The following DIP2C variants were observed in gnomAD, a reference collection of about 807,000 sequenced individuals.
DIP2C encodes DIP2 acetate--CoA ligase C (putative), also known as disco-interacting protein 2 homolog C.
Under a neutral mutation model 192.4 loss-of-function variants are expected in DIP2C, and 33 were observed. That is an observed-to-expected ratio of 0.17 (90% CI 0.13 to 0.23). The LOEUF (loss-of-function observed/expected upper bound fraction) is 0.23, where lower values mean the gene tolerates loss of function less well. DIP2C is among the 10% of genes least tolerant of loss of function. The probability of loss-of-function intolerance (pLI) is 1.00; values close to 1 mark genes in which losing one functional copy is unlikely to be tolerated. For missense variants in DIP2C, 1,537 were observed against 2,110.1 expected, an observed-to-expected ratio of 0.73 and a Z score of 5.32; for synonymous variants, 979 against 864.1, an observed-to-expected ratio of 1.13 and a Z score of -2.33.
intron 3 of DIP2C, among the ~76,000 whole-genome samples, chr10:462,240 G>A (rs1441223180): frequency 1.3e-5 from 2 of 152,138 alleles, no homozygotes; most frequent in Non-Finnish European, 2.9e-5. Context: ...ATGAATCCAG[G>A]AGCTGGTTTT....
chr10:534,070 C>T (rs182553064), intron 1 of DIP2C, among the ~76,000 whole-genome samples: 34 of 152,274 alleles, frequency 2.2e-4, no homozygotes, highest in Admixed American at 1.9e-3. Flanking sequence ...TCTGCAGTGA[C>T]GATGGTCAAC....
At chr10:609,784 G>T (rs537774598) in intron 1 of DIP2C, among the ~76,000 whole-genome samples, 1 of 152,126 alleles carries the variant, frequency 6.6e-6, no homozygotes, top group African/African-American at 2.4e-5. Context: ...GAACCTAACT[G>T]CATCTTTGGA....
rs962987026 is a variant in DIP2C, at chr10:677,187, A to T, written c.85+12307T>A. 1.5e-4 allele frequency among the ~76,000 whole-genome samples: 23 copies of T among 152,344 alleles called. No individual in the cohort carries two copies. The East Asian group carries it at 4.1e-3, about 27-fold the overall frequency. On this transcript the variant is annotated intron_variant, in intron 1 of 36. Coordinates refer to ENST00000280886, the MANE Select transcript of DIP2C (RefSeq NM_014974.3). ...TTGCAAGGAAGACTATAGTCACTTG[A>T]GCTGAAAGCAAATGAATCACCACAA...
chr10:492,871 T>A (rs11252756), intron 1 of DIP2C, among the ~76,000 whole-genome samples: 32,780 of 152,158 alleles, frequency 0.22, 7,600 homozygotes, highest in African/African-American at 0.59. Flanking sequence ...AAAGAACAGG[T>A]GAAAGATCAA....
intron 1 of DIP2C, among the ~76,000 whole-genome samples, chr10:551,492 G>A (rs928472669): frequency 1.5e-5 from 2 of 135,242 alleles, no homozygotes; most frequent in African/African-American, 7.5e-5. Flanking sequence ...CTGGAAGCAG[G>A]ATCCCAAAAG....
intron 1 of DIP2C, among the ~76,000 whole-genome samples, chr10:514,479 G>A (rs1336668653): frequency 2.0e-5 from 3 of 152,150 alleles, no homozygotes; most frequent in Admixed American, 6.5e-5. Flanking sequence ...AGGGCCGTTC[G>A]CAATGTTCAC....
intron 1 of DIP2C, among the ~76,000 whole-genome samples, chr10:589,635 C>T (rs1296713753): frequency 1.3e-5 from 2 of 152,186 alleles, no homozygotes; most frequent in Non-Finnish European, 2.9e-5. Flanking sequence ...TGTCAGCTAA[C>T]CCGTGTGTCC....
intron 1 of DIP2C, among the ~76,000 whole-genome samples, chr10:649,595 T>A (rs1588675111): frequency 6.6e-6 from 1 of 152,362 alleles, no homozygotes; most frequent in East Asian, 1.9e-4. Flanking sequence ...TACCCAATAA[T>A]TCTAAGACTC....
chr10:348,612 G>T, intron 26 of DIP2C, 29 bp downstream of exon 26: 5 of 1,607,524 alleles, frequency 3.1e-6, no homozygotes, highest in Non-Finnish European at 4.2e-6. Flanking sequence ...CCAGGCAGGT[G>T]GAGGCCCCGA....
intron 10 of DIP2C, among the ~76,000 whole-genome samples, chr10:396,348 A>T (rs749159636): frequency 6.6e-6 from 1 of 151,830 alleles, no homozygotes; most frequent in Non-Finnish European, 1.5e-5. Context: ...CAGGAAAACC[A>T]CCTCCCCCCT....
At chr10:481,260 T>C (rs1843587190) in intron 2 of DIP2C, among the ~76,000 whole-genome samples, 2 of 152,198 alleles carry the variant, frequency 1.3e-5, no homozygotes, top group East Asian at 3.8e-4. Flanking sequence ...CAGAACAAAA[T>C]GGCATTTACG....
rs141737791 is a variant in DIP2C, at chr10:597,078, G to T, written c.85+92416C>A. On this transcript the variant is annotated intron_variant, in intron 1 of 36. Coordinates refer to ENST00000280886, the MANE Select transcript of DIP2C (RefSeq NM_014974.3). ...TGGAGACCCATCCTCGCCAGTGTAG[G>T]GGGCACCACCCTGTCCACCCAGGGC... is the stretch of plus-strand genomic sequence containing the variant. Among the ~76,000 whole-genome samples the T allele has an allele frequency of 1.4e-3, 211 of 152,314 alleles. 1 individual carries two copies. The highest frequency in any genetic ancestry group is 5.0e-3 in the African/African-American group (206 of 41,568).
rs530965732 is a variant in DIP2C, at chr10:564,721, G to A, written c.86-78191C>T. 1.1e-4 allele frequency among the ~76,000 whole-genome samples: 16 copies of A among 152,208 alleles called. No individual in the cohort carries two copies. The East Asian group carries it at 1.5e-3, about 15-fold the overall frequency. On this transcript the variant is annotated intron_variant, in intron 1 of 36. Coordinates refer to ENST00000280886, the MANE Select transcript of DIP2C (RefSeq NM_014974.3). ...ATATGCCCGAAGCATTCAGCATAGC[G>A]TCCAGCAGACACCAGGCACTGCACA...
rs780615285 is a variant in DIP2C at position 286,359 on chromosome 10, A to G, written c.4045-12T>C. The G allele has an allele frequency of 1.2e-6, 2 of 1,613,284 alleles. No individual in the cohort carries two copies. The highest frequency in any genetic ancestry group is 2.2e-5 in the South Asian group (2 of 91,050). On this transcript the variant is annotated splice_polypyrimidine_tract_variant and intron_variant, in intron 33 of 36. Transcript: ENST00000280886. ...ACCCCTGGAAGTATCTATTTGGGAG[A>G]GGAAAAGTCTCTTGTCAATGGGAGG... is the stretch of plus-strand genomic sequence containing the variant.
chr10:623,872 G>A (rs1854033948), intron 1 of DIP2C, among the ~76,000 whole-genome samples: 1 of 152,206 alleles, frequency 6.6e-6, no homozygotes, highest in East Asian at 1.9e-4. Context: ...CCCCAACAGT[G>A]AGAAGTGAGG....
intron 3 of DIP2C, among the ~76,000 whole-genome samples, chr10:456,466 CTG>C (rs1185439393): frequency 7.0e-5 from 10 of 143,666 alleles, no homozygotes; most frequent in African/African-American, 2.5e-4. Context: ...TGAGGGGAGA[CTG>C]TGAGGAGTAA....
chr10:568,354 G>A (rs558878987), intron 1 of DIP2C, among the ~76,000 whole-genome samples: 1 of 152,164 alleles, frequency 6.6e-6, no homozygotes, highest in Non-Finnish European at 1.5e-5. Context: ...TTCTACCGTG[G>A]GGTGAGACGC....
chr10:491,754 A>G lies in DIP2C; in HGVS notation c.86-5224T>C, dbSNP rs537983674. ...TAAGGACACAAGAAAATCTTTAAAA[A>G]AAGTTCAACAAGCATTCATTCAGTA... On this transcript the variant is annotated intron_variant, in intron 1 of 36. Transcript: ENST00000280886. 1.0e-3 allele frequency among the ~76,000 whole-genome samples: 160 copies of G among 152,398 alleles called. 1 individual carries two copies. The South Asian group carries it at 0.032, about 31-fold the overall frequency.
chr10:277,670 T>C, intron 36 of DIP2C, 93 bp from the exon 37 acceptor site: 1 of 1,520,978 alleles, frequency 6.6e-7, no homozygotes, highest in Admixed American at 1.9e-5. Context: ...CTCTCTGACC[T>C]GCCTGAGCAC....
Sources: allele counts gnomAD v4.1 joint callset (sites outside exome capture counted in the v4.1 genomes callset), GRCh38; gene constraint gnomAD v4.1.1; transcripts MANE v1.5; gene names NCBI Gene and HGNC (gene_info 2026-07-23, HGNC 2026-07-21).